The following PPP2R3A variants were observed in gnomAD, a reference collection of about 807,000 sequenced individuals.
PPP2R3A encodes protein phosphatase 2 regulatory subunit B''alpha, also known as serine/threonine-protein phosphatase 2A regulatory subunit B'' subunit alpha.
PPP2R3A carries 80 observed loss-of-function variants against 106.9 expected under a neutral mutation model. The observed-to-expected ratio is 0.75, with a 90% CI of 0.62 to 0.90. The LOEUF (loss-of-function observed/expected upper bound fraction) is 0.90, where lower values mean the gene tolerates loss of function less well. Among genes scored for constraint, PPP2R3A ranks in the 40% least tolerant of loss-of-function variants. The probability of loss-of-function intolerance (pLI) is 0.00; values close to 1 mark genes in which losing one functional copy is unlikely to be tolerated. For missense variants in PPP2R3A, 1,386 were observed against 1,350.4 expected (o/e 1.03, Z -0.41); for synonymous variants, 483 against 468.3 (o/e 1.03, Z -0.41).
intron 4 of PPP2R3A, among the ~76,000 whole-genome samples, chr3:136,045,784 T>C (rs1472377295): frequency 6.6e-6 from 1 of 152,134 alleles, no homozygotes; most frequent in Non-Finnish European, 1.5e-5. Flanking sequence ...CTGGTAGCCC[T>C]TACTATTAAA....
chr3:136,065,563 G>A (rs1324708083), intron 5 of PPP2R3A, among the ~76,000 whole-genome samples: 3 of 152,124 alleles, frequency 2.0e-5, no homozygotes, highest in African/African-American at 7.2e-5. Flanking sequence ...TAAGAAGGCA[G>A]AGAATAAAAA....
intron 5 of PPP2R3A, among the ~76,000 whole-genome samples, chr3:136,052,887 A>G (rs1030601738): frequency 3.9e-5 from 6 of 152,186 alleles, no homozygotes; most frequent in Non-Finnish European, 5.9e-5. Context: ...AAAGGAATAA[A>G]TCCACGGAAG....
chr3:136,098,913 A>G (rs141237072), intron 10 of PPP2R3A, among the ~76,000 whole-genome samples: 3 of 152,330 alleles, frequency 2.0e-5, no homozygotes, highest in Non-Finnish European at 4.4e-5. Context: ...CTACCCTAGC[A>G]TAAAACTGGT....
intron 13 of PPP2R3A, among the ~76,000 whole-genome samples, chr3:136,136,045 CAAAAAAAAA>C (rs34558229): frequency 4.5e-5 from 1 of 22,364 alleles, no homozygotes; most frequent in Non-Finnish European, 8.1e-5. Flanking sequence ...GACTCCGTCT[CAAAAAAAAA>C]AAAAAAAAAA....
At position 135,981,668 on chromosome 3, in the gene PPP2R3A, TTCTATTGCAGGGATA is replaced by T. The variant is rs2107760041; in HGVS notation, c.-441+15820_-441+15834del. ...AAAATCCTTGCCTTTGGAGTGTACA[TTCTATTGCAGGGATA>T]AAGACAGTAAACGTGTAAACAGTAA... On this transcript the variant is annotated intron_variant, in intron 1 of 13. Transcript: ENST00000264977. 1.3e-5 allele frequency among the ~76,000 whole-genome samples: 2 copies of T among 151,976 alleles called. 1 individual carries two copies. The highest frequency in any genetic ancestry group is 4.9e-5 in the African/African-American group (2 of 41,226).
chr3:136,039,114 C>G (rs1935174493), intron 3 of PPP2R3A, among the ~76,000 whole-genome samples: 1 of 152,136 alleles, frequency 6.6e-6, no homozygotes, highest in African/African-American at 2.4e-5. Flanking sequence ...AGGTACTCTT[C>G]AGGCTCCTGT....
chr3:136,098,315 C>G (rs1386280378), intron 10 of PPP2R3A, among the ~76,000 whole-genome samples: 4 of 152,096 alleles, frequency 2.6e-5, no homozygotes, highest in African/African-American at 9.7e-5. Context: ...GAGCCTATCT[C>G]AAAAACAAAT....
rs746088183 is a variant in PPP2R3A at position 136,001,617 on chromosome 3, A to ATGGAAT, written c.122_127dup (p.Gly41_Ile42dup). 1.2e-5 allele frequency: 19 copies of ATGGAAT among 1,614,056 alleles called. No individual in the cohort carries two copies. In the African/African-American group the frequency reaches 2.3e-4, roughly 19 times the overall value. On this transcript the variant is annotated inframe_insertion, in exon 2 of 14. Coordinates refer to ENST00000264977, the MANE Select transcript of PPP2R3A (RefSeq NM_002718.5). ...ACTGGAACCTGCCACACCTTCACAC[A>ATGGAAT]TGGAATTGACTGCATTGTGGTACAC...
chr3:136,143,710 G>C (rs1285427894), intron 13 of PPP2R3A, among the ~76,000 whole-genome samples: 4 of 152,050 alleles, frequency 2.6e-5, no homozygotes, highest in Non-Finnish European at 5.9e-5. Context: ...AGAATCACTT[G>C]AACTTGGGAG....
chr3:136,040,702 C>CGTAG (rs34244100), intron 3 of PPP2R3A, among the ~76,000 whole-genome samples, 157 bp from the exon 4 acceptor site: 49,875 of 151,742 alleles, frequency 0.33, 8,757 homozygotes, highest in African/African-American at 0.46. Context: ...TCTGAATCTA[C>CGTAG]CCTAGTTGAT....
At chr3:136,017,473 T>A (rs1431067919) in intron 2 of PPP2R3A, among the ~76,000 whole-genome samples, 1 of 152,220 alleles carries the variant, frequency 6.6e-6, no homozygotes, top group Non-Finnish European at 1.5e-5. Flanking sequence ...TTTCTGGACA[T>A]TTGGGTTGTT....
Position 136,001,716 on chromosome 3 carries a change from T to A in PPP2R3A, c.218T>A (p.Leu73Gln). ...GATGCAGATCTGAACTCTATGTTTC[T>A]ACCCCATGAAAATGGGCTTTCTTCG... ...FKDADLNSMFLPHENGLSSAE... is the reference protein window; with the variant it reads ...FKDADLNSMFQPHENGLSSAE... Residue 73 changes from leucine to glutamine, a missense_variant, in exon 2 of 14, where the codon CTA becomes CAA. Coordinates refer to ENST00000264977, the MANE Select transcript of PPP2R3A (RefSeq NM_002718.5). The A allele has an allele frequency of 6.2e-7, 1 of 1,614,126 alleles. No individual in the cohort carries two copies. Among genetic ancestry groups the A allele is most frequent in the East Asian group, 2.2e-5 (1 of 44,882 alleles).
intron 13 of PPP2R3A, among the ~76,000 whole-genome samples, chr3:136,123,395 T>G (rs535714354): frequency 6.6e-6 from 1 of 152,194 alleles, no homozygotes; most frequent in South Asian, 2.1e-4. Context: ...TAAATGCATA[T>G]TAAACTAATG....
At chr3:136,012,278 T>C (rs1296400672) in intron 2 of PPP2R3A, among the ~76,000 whole-genome samples, 4 of 152,158 alleles carry the variant, frequency 2.6e-5, no homozygotes, top group East Asian at 3.8e-4. Context: ...AGAATTATTA[T>C]TCCTGATCAT....
At chr3:136,106,190 C>A in intron 12 of PPP2R3A, 26 bp from the exon 13 acceptor site, 1 of 1,575,448 alleles carries the variant, frequency 6.3e-7, no homozygotes, top group South Asian at 1.1e-5. Flanking sequence ...TTTTTTATTT[C>A]TCGTGGCTGT....
At chr3:136,139,462 G>A (rs763482515) in intron 13 of PPP2R3A, among the ~76,000 whole-genome samples, 12 of 151,938 alleles carry the variant, frequency 7.9e-5, no homozygotes, top group African/African-American at 1.2e-4. Flanking sequence ...TTGGGAGGCC[G>A]AGGGGGGGGA....
Position 136,087,860 on chromosome 3 carries a change from ATTTT to A in PPP2R3A, c.2789-16_2789-13del. 1.4e-6 allele frequency: 2 copies of A among 1,445,542 alleles called. No homozygotes were observed. The highest frequency in any genetic ancestry group is 1.9e-6 in the Non-Finnish European group (2 of 1,055,850). The allele number at this position is 1,445,542 out of a possible 1,614,324, so 89.5% of individuals were successfully genotyped here. ...GAGCATGTTTCTAACTAGCTTTGCA[ATTTT>A]TTTTTTATCTACATTTAGCTTCATC... On this transcript the variant is annotated intron_variant, in intron 8 of 13. Transcript: ENST00000264977.
chr3:135,971,706 G>C (rs895438900), intron 1 of PPP2R3A, among the ~76,000 whole-genome samples: 38 of 152,146 alleles, frequency 2.5e-4, no homozygotes, highest in South Asian at 4.2e-4. Context: ...AGCAGACCTT[G>C]GTCCAAGATG....
intron 12 of PPP2R3A, 115 bp from the exon 13 acceptor site, chr3:136,106,101 A>AC: frequency 1.2e-6 from 1 of 869,006 alleles, no homozygotes; most frequent in Non-Finnish European, 1.8e-6. Context: ...ACCTGTTGAA[A>AC]TGAAACATTT....
Sources: gnomAD v4.1 joint callset for allele counts (sites outside exome capture counted in the v4.1 genomes callset) on GRCh38, gnomAD v4.1.1 for gene constraint, MANE v1.5 for transcripts, NCBI Gene and HGNC (gene_info 2026-07-23, HGNC 2026-07-21) for gene names.